CD163L1: variants seen among roughly 807,000 people sequenced by gnomAD.
The protein encoded by CD163L1 is CD163 molecule like 1, also known as scavenger receptor cysteine-rich type 1 protein M160.
A neutral mutation model predicts 165.4 loss-of-function variants in CD163L1; 124 were observed. The ratio of observed to expected loss-of-function variants is 0.75; its 90% CI spans 0.65 to 0.87. The LOEUF (loss-of-function observed/expected upper bound fraction) is 0.87. CD163L1 is among the 40% of genes least tolerant of loss of function. CD163L1 has a pLI of 0.00. For synonymous variants in CD163L1, 585 were observed against 662.2 expected, an observed-to-expected ratio of 0.88 and a Z score of 1.79; for missense variants, 1,525 against 1,799.9, an observed-to-expected ratio of 0.85 and a Z score of 2.76.
intron 4 of CD163L1, among the ~76,000 whole-genome samples, chr12:7,430,836 G>C (rs761220427): frequency 6.6e-6 from 1 of 152,046 alleles, no homozygotes; most frequent in African/African-American, 2.4e-5. Context: ...GTTCTGAGGT[G>C]GGTTGGAAAA....
At chr12:7,440,096 C>A in intron 2 of CD163L1, 1 of 888,564 alleles carries the variant, frequency 1.1e-6, no homozygotes, top group Non-Finnish European at 1.8e-6. Flanking sequence ...TAACGGAAGC[C>A]GACCAATGGC....
chr12:7,379,046 T>C lies in CD163L1; in HGVS notation c.2303A>G (p.Asp768Gly), dbSNP rs1452027280. 1 of 1,614,024 alleles carries C rather than the reference T, an allele frequency of 6.2e-7. No homozygotes were observed. Among genetic ancestry groups the C allele is most frequent in the Admixed American group, 1.7e-5 (1 of 59,998 alleles). The stretch of plus-strand genomic sequence containing the variant: ...CTGTTTCCACTCCCATCGTATACAA[T>C]CCCAGAGAGAGGCTTCCCCTCCAGT... ...GCTGGEASLW[D>G]CIRWEWKQTA... is the part of the protein sequence containing the mutation. Residue 768 changes from aspartate to glycine, a missense_variant, in exon 9 of 20, where the codon GAT becomes GGT. Transcript: ENST00000313599.
At position 7,376,313 on chromosome 12, in the gene CD163L1, C is replaced by T. The variant is rs779659863; in HGVS notation, c.2372-299G>A. On this transcript the variant is annotated intron_variant, in intron 9 of 19. Transcript: ENST00000313599. ...TAAGTAACCTCAGCATTAAACAACA[C>T]GTGAAGATTTGTAGTCATCTTAAGA... is the stretch of plus-strand genomic sequence containing the variant. Among the ~76,000 whole-genome samples, 274 of 152,104 alleles carry T rather than the reference C, an allele frequency of 1.8e-3. 2 individuals carry two copies. Among genetic ancestry groups the T allele is most frequent in the African/African-American group, 6.3e-3 (261 of 41,498 alleles).
At chr12:7,322,534 C>A in the CD163L1 span, 1 of 1,613,256 alleles carries the variant, frequency 6.2e-7, no homozygotes, top group Non-Finnish European at 8.5e-7. Flanking sequence ...TATGGACAGA[C>A]GGAAGTGGTA....
At chr12:7,421,049 G>GTATATATACATA (rs1198584213) in intron 4 of CD163L1, among the ~76,000 whole-genome samples, 1 of 71,590 alleles carries the variant, frequency 1.4e-5, no homozygotes, top group African/African-American at 1.1e-4. Flanking sequence ...GTATATATAT[G>GTATATATACATA]TATATACGTA....
intron 4 of CD163L1, among the ~76,000 whole-genome samples, chr12:7,427,073 G>A (rs1188311644): frequency 1.3e-5 from 2 of 152,088 alleles, no homozygotes; most frequent in Non-Finnish European, 2.9e-5. Flanking sequence ...TTAAGAGATT[G>A]AAAGGGAGAA....
chr12:7,412,516 A>T (rs1184417298), intron 4 of CD163L1, among the ~76,000 whole-genome samples: 1 of 152,250 alleles, frequency 6.6e-6, no homozygotes, highest in Non-Finnish European at 1.5e-5. Context: ...TATGCATAAT[A>T]AAAACATTTT....
the CD163L1 span, among the ~76,000 whole-genome samples, chr12:7,321,480 G>A: frequency 0.03 from 4,537 of 152,304 alleles, 236 homozygotes; most frequent in African/African-American, 0.1. Flanking sequence ...AGTGCTATGC[G>A]AGACAGAATA....
chr12:7,371,918 T>C (rs1023153346), intron 14 of CD163L1, among the ~76,000 whole-genome samples: 2 of 151,778 alleles, frequency 1.3e-5, no homozygotes, highest in African/African-American at 4.8e-5. Context: ...TACTCAAGAG[T>C]GTAATATCAG....
At position 7,421,041 on chromosome 12, in the gene CD163L1, A is replaced by ATATATATACATATATATATACGTG. The variant is rs1217962587; in HGVS notation, c.766+11374_766+11375insCACGTATATATATATGTATATATA. ...TATATATACATATATATATACGTGT[A>ATATATATACATATATATATACGTG]TATATATGTATATACGTATATATGT... On this transcript the variant is annotated intron_variant, in intron 4 of 19. Transcript: ENST00000313599. Among the ~76,000 whole-genome samples, 798 of 108,328 alleles carry ATATATATACATATATATATACGTG rather than the reference A, an allele frequency of 7.4e-3. 4 individuals are homozygous for ATATATATACATATATATATACGTG. The highest frequency in any genetic ancestry group is 0.013 in the East Asian group (40 of 3,018). The allele number at this position is 108,328 out of a possible 152,430, so 71.1% of individuals were successfully genotyped here.
intron 17 of CD163L1, among the ~76,000 whole-genome samples, 180 bp downstream of exon 17, chr12:7,367,907 G>C (rs1179830928): frequency 6.6e-6 from 1 of 152,180 alleles, no homozygotes; most frequent in African/African-American, 2.4e-5. Flanking sequence ...TGTGTAAATG[G>C]AAATTGTGGA....
chr12:7,370,649 G>T (rs1050106318), intron 14 of CD163L1, among the ~76,000 whole-genome samples: 2 of 152,050 alleles, frequency 1.3e-5, no homozygotes, highest in African/African-American at 2.4e-5. Context: ...ACTTTCACAT[G>T]CACCCTTTAA....
At position 7,375,289 on chromosome 12, in the gene CD163L1, A is replaced by G. The variant is rs1225348083; in HGVS notation, c.2993T>C (p.Ile998Thr). The stretch of plus-strand genomic sequence containing the variant: ...AAGCACTATTCTCTTACCTGTGCAG[A>G]TCACAGAGACAGTATTTCCATGGAT... ...PCIHGNTVSV[I>T]CTGSLTQPLF... The change falls in exon 11 of 20, where the codon ATC (isoleucine) becomes ACC (threonine). Residue 998 changes from isoleucine to threonine, a missense_variant. Transcript: ENST00000313599. The G allele has an allele frequency of 6.2e-7, 1 of 1,614,004 alleles. No individual in the cohort carries two copies.
chr12:7,384,651 T>A (rs1342884262), intron 8 of CD163L1, among the ~76,000 whole-genome samples: 1 of 151,986 alleles, frequency 6.6e-6, no homozygotes, highest in Non-Finnish European at 1.5e-5. Flanking sequence ...GTATTCAAAG[T>A]GCTAAAAGAA....
In CD163L1 at chr12:7,418,132, G is replaced by C. The variant is rs753039126; in HGVS notation, c.767-11280C>G. On this transcript the variant is annotated intron_variant, in intron 4 of 19. Coordinates refer to ENST00000313599, the MANE Select transcript of CD163L1 (RefSeq NM_174941.6). ...TTCTCTAAAATAGACTATATGTTAT[G>C]CCACAAAACGAGTCTCCACACATTT... Among the ~76,000 whole-genome samples the C allele has an allele frequency of 1.6e-4, 25 of 152,046 alleles. No individual in the cohort carries two copies. The East Asian group carries it at 4.6e-3, about 28-fold the overall frequency.
chr12:7,319,195 C>T, the CD163L1 span, among the ~76,000 whole-genome samples: 2 of 152,148 alleles, frequency 1.3e-5, no homozygotes, highest in Admixed American at 1.3e-4. Flanking sequence ...AGCACACAAC[C>T]TAGATCCCTC....
At chr12:7,335,472 C>G in the CD163L1 span, among the ~76,000 whole-genome samples, 132 of 152,264 alleles carry the variant, frequency 8.7e-4, 5 homozygotes, top group South Asian at 0.026. Flanking sequence ...CCCTTCCTTA[C>G]AGCTTATACA....
intron 18 of CD163L1, among the ~76,000 whole-genome samples, chr12:7,358,088 A>T (rs992705706): frequency 6.6e-6 from 1 of 152,158 alleles, no homozygotes; most frequent in Non-Finnish European, 1.5e-5. Flanking sequence ...AGGTCCATCA[A>T]AGAACTGATG....
At chr12:7,359,244 C>T (rs1946841767) in intron 18 of CD163L1, among the ~76,000 whole-genome samples, 2 of 151,826 alleles carry the variant, frequency 1.3e-5, no homozygotes, top group South Asian at 2.1e-4. Context: ...CCAGGCAGCA[C>T]AAAGAACACC....
Sources: gnomAD v4.1 joint callset for allele counts (sites outside exome capture counted in the v4.1 genomes callset) on GRCh38, gnomAD v4.1.1 for gene constraint, MANE v1.5 for transcripts, NCBI Gene and HGNC (gene_info 2026-07-23, HGNC 2026-07-21) for gene names.